SHISA9: variants seen among roughly 807,000 people sequenced by gnomAD.
The protein encoded by SHISA9 is shisa family member 9, also known as protein shisa-9.
SHISA9 carries 13 observed loss-of-function variants against 38.0 expected under a neutral mutation model. The ratio of observed to expected loss-of-function variants is 0.34; its 90% confidence interval spans 0.22 to 0.54. The LOEUF (loss-of-function observed/expected upper bound fraction) is 0.54. Ranked by LOEUF, SHISA9 falls within the 20% of genes least tolerant of loss-of-function variation. The pLI is 0.91. For missense variants in SHISA9, 538 were observed against 575.8 expected (o/e 0.93, Z 0.67); for synonymous variants, 275 against 242.0 (o/e 1.14, Z -1.27).
At position 12,916,736 on chromosome 16, in the gene SHISA9, C is replaced by T. The variant is rs527768160; in HGVS notation, c.612C>T (p.His204=). Residue 204 remains histidine (H), a synonymous_variant, in exon 2 of 5, where the codon CAC becomes CAT. Coordinates refer to ENST00000558583, the MANE Select transcript of SHISA9 (RefSeq NM_001145204.3). Reference sequence around the variant, plus strand: ...CACAGGGCCACTGCAACACTGATCACATGGAGAGAGACCTAAACATCGTTG... The same window carrying T: ...CACAGGGCCACTGCAACACTGATCATATGGAGAGAGACCTAAACATCGTTG... The part of the protein sequence containing the change: ...MRPQGHCNTD[H]MERDLNIVVH... 9.9e-5 allele frequency: 154 copies of T among 1,552,140 alleles called. 1 individual carries two copies. The South Asian group carries it at 1.8e-3, about 18-fold the overall frequency.
chr16:13,151,753 A>G lies in SHISA9; in HGVS notation c.692-51641A>G, dbSNP rs575706723. Reference sequence around the variant, plus strand: ...TTCCCTGATGATCATTCTGCACGTCAGTACATGCCCACTTAATAGCTTTTA... The same window carrying G: ...TTCCCTGATGATCATTCTGCACGTCGGTACATGCCCACTTAATAGCTTTTA... On this transcript the variant is annotated intron_variant, in intron 2 of 4. Transcript: ENST00000558583. Among the ~76,000 whole-genome samples the G allele has an allele frequency of 2.0e-4, 31 of 152,344 alleles. No homozygotes were observed. The South Asian group carries it at 6.0e-3, about 30-fold the overall frequency.
chr16:12,938,486 TTCTCTC>T (rs752037617), intron 2 of SHISA9, among the ~76,000 whole-genome samples: 4 of 151,884 alleles, frequency 2.6e-5, no homozygotes, highest in Non-Finnish European at 5.9e-5. Context: ...TAGGGGCTAA[TTCTCTC>T]TCTCTCTCTC....
the SHISA9 span, among the ~76,000 whole-genome samples, chr16:13,356,021 G>A: frequency 6.6e-6 from 1 of 152,226 alleles, no homozygotes; most frequent in African/African-American, 2.4e-5. Context: ...CCAGATTTCT[G>A]GCACGTGTAG....
intron 2 of SHISA9, among the ~76,000 whole-genome samples, chr16:12,918,909 A>G (rs911692618): frequency 6.6e-5 from 10 of 152,238 alleles, no homozygotes; most frequent in African/African-American, 1.4e-4. Context: ...AACAAAAATA[A>G]GAAGAATGTG....
At chr16:13,054,570 T>C (rs1016084748) in intron 2 of SHISA9, among the ~76,000 whole-genome samples, 11 of 152,336 alleles carry the variant, frequency 7.2e-5, no homozygotes, top group African/African-American at 2.6e-4. Flanking sequence ...CTTTTAAACA[T>C]AGGGACAAAT....
rs2072518120 is a variant in SHISA9, at chr16:13,001,041, C to G, written c.691+84226C>G. 3.3e-5 allele frequency among the ~76,000 whole-genome samples: 5 copies of G among 152,160 alleles called. No individual in the cohort carries two copies. In the South Asian group the frequency reaches 1.0e-3, roughly 31 times the overall value. On this transcript the variant is annotated intron_variant, in intron 2 of 4. Transcript: ENST00000558583. ...GTCCCAGGTTCAAGCGATTCTCCTG[C>G]CTCACCCCGCCGAGTAGCTGGGACT...
the SHISA9 span, among the ~76,000 whole-genome samples, chr16:13,367,713 CA>C: frequency 2.6e-5 from 1 of 38,640 alleles, no homozygotes; most frequent in African/African-American, 1.1e-4. Context: ...CGCGCGCGCG[CA>C]CACACACACA....
At chr16:13,407,590 C>G in the SHISA9 span, among the ~76,000 whole-genome samples, 1 of 152,172 alleles carries the variant, frequency 6.6e-6, no homozygotes, top group African/African-American at 2.4e-5. Flanking sequence ...ACCATTCCTT[C>G]TTTTTTGACA....
chr16:13,450,480 C>T, the SHISA9 span, among the ~76,000 whole-genome samples: 1 of 152,220 alleles, frequency 6.6e-6, no homozygotes, highest in Non-Finnish European at 1.5e-5. Flanking sequence ...TCATGGGTCT[C>T]CTCATTTTTG....
chr16:13,481,952 G>T, the SHISA9 span, among the ~76,000 whole-genome samples: 26 of 152,292 alleles, frequency 1.7e-4, no homozygotes, highest in South Asian at 5.2e-3. Context: ...AATGTTTTCT[G>T]AACACTTATT....
At chr16:13,146,474 A>G (rs1000825449) in intron 2 of SHISA9, among the ~76,000 whole-genome samples, 2 of 152,156 alleles carry the variant, frequency 1.3e-5, no homozygotes, top group African/African-American at 4.8e-5. Flanking sequence ...ATCAGGGTAA[A>G]TGGGGTATCC....
At chr16:13,290,901 G>T in the SHISA9 span, among the ~76,000 whole-genome samples, 1 of 152,278 alleles carries the variant, frequency 6.6e-6, no homozygotes, top group East Asian at 1.9e-4. Context: ...ACTGGGCCGG[G>T]ACTAGAGCCC....
chr16:13,075,847 CG>C (rs1567203810), intron 2 of SHISA9, among the ~76,000 whole-genome samples: 1 of 152,006 alleles, frequency 6.6e-6, no homozygotes, highest in Non-Finnish European at 1.5e-5. Context: ...TGTTGGCATT[CG>C]GGGCCAGATG....
At chr16:13,471,415 G>A in the SHISA9 span, among the ~76,000 whole-genome samples, 48 of 152,210 alleles carry the variant, frequency 3.2e-4, 1 homozygote, top group South Asian at 6.7e-3. Flanking sequence ...TAAATTATTC[G>A]AGTTTTTCTA....
the SHISA9 span, among the ~76,000 whole-genome samples, chr16:13,314,480 T>A: frequency 1.2e-4 from 19 of 152,210 alleles, no homozygotes; most frequent in East Asian, 3.5e-3. Flanking sequence ...CCTTTGGTGA[T>A]CCTCCCACCT....
At chr16:13,203,860 T>C (rs2051032493) in intron 3 of SHISA9, among the ~76,000 whole-genome samples, 1 of 151,956 alleles carries the variant, frequency 6.6e-6, no homozygotes, top group Admixed American at 6.6e-5. Context: ...TCTATCTGTC[T>C]GTCCATCCAT....
At chr16:13,220,045 A>G (rs1182510686) in intron 4 of SHISA9, among the ~76,000 whole-genome samples, 2 of 152,166 alleles carry the variant, frequency 1.3e-5, no homozygotes, top group Non-Finnish European at 2.9e-5. Flanking sequence ...AATGATTGGC[A>G]TTTTTATCAG....
chr16:13,280,117 C>CTTTTTTTTTTTTTTTT, the SHISA9 span, among the ~76,000 whole-genome samples: 34 of 102,840 alleles, frequency 3.3e-4, no homozygotes, highest in Non-Finnish European at 4.7e-4. Flanking sequence ...CTCTCTTTCT[C>CTTTTTTTTTTTTTTTT]TTTTTTTTTT....
intron 2 of SHISA9, among the ~76,000 whole-genome samples, chr16:13,040,734 A>C (rs1458160040): frequency 6.6e-6 from 1 of 152,198 alleles, no homozygotes; most frequent in African/African-American, 2.4e-5. Flanking sequence ...GGTAAAGAAA[A>C]GCTTCTTTTC....
Sources: gnomAD v4.1 joint callset for allele counts (sites outside exome capture counted in the v4.1 genomes callset) on GRCh38, gnomAD v4.1.1 for gene constraint, MANE v1.5 for transcripts, NCBI Gene and HGNC (gene_info 2026-07-23, HGNC 2026-07-21) for gene names.